CSMD1: variants seen among roughly 807,000 people sequenced by gnomAD.
The protein encoded by CSMD1 is CUB and sushi domain-containing protein 1.
Under a neutral mutation model 417.5 loss-of-function variants are expected in CSMD1, and 213 were observed. The observed-to-expected ratio is 0.51, with a 90% CI of 0.46 to 0.57. CSMD1 has a LOEUF of 0.57. Ranked by LOEUF, CSMD1 falls within the 20% of genes least tolerant of loss-of-function variation. The pLI is 0.00. For missense variants in CSMD1, 6,923 were observed against 4,529.7 expected, an observed-to-expected ratio of 1.53 and a Z score of -15.17; for synonymous variants, 2,862 against 1,736.8, an observed-to-expected ratio of 1.65 and a Z score of -16.11.
intron 23 of CSMD1, among the ~76,000 whole-genome samples, chr8:3,341,733 G>A (rs577773560): frequency 2.0e-5 from 3 of 152,276 alleles, no homozygotes; most frequent in African/African-American, 7.2e-5. Flanking sequence ...CTGGAAGAAC[G>A]CCGTAGGTGT....
intron 3 of CSMD1, among the ~76,000 whole-genome samples, chr8:4,223,735 G>C (rs1252556541): frequency 3.3e-5 from 5 of 152,158 alleles, no homozygotes; most frequent in Admixed American, 2.6e-4. Context: ...AGGAATTTGG[G>C]TCAGATTCTC....
intron 52 of CSMD1, among the ~76,000 whole-genome samples, chr8:3,003,988 G>T (rs1226965222): frequency 6.6e-6 from 1 of 152,160 alleles, no homozygotes; most frequent in East Asian, 1.9e-4. Flanking sequence ...GTAGGTGTCA[G>T]CCCCACTGCG....
chr8:3,991,691 G>C (rs756781630), intron 5 of CSMD1, among the ~76,000 whole-genome samples: 28 of 152,296 alleles, frequency 1.8e-4, no homozygotes, highest in Middle Eastern at 3.4e-3. Context: ...TCTAGGATGA[G>C]AGTGGAGTGC....
chr8:4,912,672 G>T (rs1310789685), intron 1 of CSMD1, among the ~76,000 whole-genome samples: 1 of 152,174 alleles, frequency 6.6e-6, no homozygotes, highest in Non-Finnish European at 1.5e-5. Flanking sequence ...AAAGAGTTTA[G>T]CACTTTCATT....
At chr8:4,914,177 G>A (rs571213250) in intron 1 of CSMD1, among the ~76,000 whole-genome samples, 6 of 152,260 alleles carry the variant, frequency 3.9e-5, no homozygotes, top group Non-Finnish European at 7.4e-5. Context: ...ACAAAAGCAC[G>A]GAGTCATGAG....
intron 5 of CSMD1, among the ~76,000 whole-genome samples, chr8:3,798,007 G>C (rs576680561): frequency 1.9e-4 from 29 of 151,984 alleles, no homozygotes; most frequent in African/African-American, 7.0e-4. Context: ...GAAGATTATT[G>C]ATGTTGATAA....
intron 3 of CSMD1, among the ~76,000 whole-genome samples, chr8:4,150,141 T>C (rs1043215322): frequency 3.9e-5 from 6 of 152,224 alleles, no homozygotes; most frequent in African/African-American, 1.4e-4. Context: ...AGGAATAAAC[T>C]GTGATATCTT....
intron 3 of CSMD1, among the ~76,000 whole-genome samples, chr8:4,360,417 G>A (rs934473318): frequency 1.3e-5 from 2 of 152,118 alleles, no homozygotes; most frequent in Non-Finnish European, 2.9e-5. Context: ...AGTATTTGTG[G>A]AATTAATTAA....
chr8:4,296,135 G>A (rs1349280174), intron 3 of CSMD1, among the ~76,000 whole-genome samples: 1 of 152,046 alleles, frequency 6.6e-6, no homozygotes, highest in African/African-American at 2.4e-5. Context: ...ACAATAAGAA[G>A]CGAAAATGGA....
chr8:4,762,999 T>C (rs181233721), intron 1 of CSMD1, among the ~76,000 whole-genome samples: 6 of 152,248 alleles, frequency 3.9e-5, no homozygotes, highest in Non-Finnish European at 5.9e-5. Flanking sequence ...AAGGAAGCCC[T>C]CTGCAAAGAC....
intron 2 of CSMD1, among the ~76,000 whole-genome samples, chr8:4,503,415 C>A (rs1286884445): frequency 6.6e-6 from 1 of 151,886 alleles, no homozygotes; most frequent in South Asian, 2.1e-4. Flanking sequence ...TAAAATAAGT[C>A]GAGAAAATAC....
At chr8:3,248,884 C>T (rs1311060446) in intron 26 of CSMD1, among the ~76,000 whole-genome samples, 1 of 151,932 alleles carries the variant, frequency 6.6e-6, no homozygotes, top group Non-Finnish European at 1.5e-5. Flanking sequence ...TCCTTGATTC[C>T]CGCAGCTCTA....
chr8:4,884,850 C>A (rs1489172842), intron 1 of CSMD1, among the ~76,000 whole-genome samples: 1 of 151,934 alleles, frequency 6.6e-6, no homozygotes, highest in African/African-American at 2.4e-5. Context: ...ATTTGGGGTT[C>A]TCTTGAATTT....
At chr8:4,221,778 T>C (rs780940293) in intron 3 of CSMD1, among the ~76,000 whole-genome samples, 6 of 152,156 alleles carry the variant, frequency 3.9e-5, no homozygotes, top group East Asian at 1.9e-4. Flanking sequence ...AAAGAAAATA[T>C]ACATTCTGAA....
At chr8:3,887,662 G>C (rs960816664) in intron 5 of CSMD1, among the ~76,000 whole-genome samples, 1 of 152,176 alleles carries the variant, frequency 6.6e-6, no homozygotes, top group African/African-American at 2.4e-5. Context: ...CTAGAGTTAA[G>C]AGACAATACC....
At chr8:4,449,567 A>G (rs1453679651) in intron 2 of CSMD1, among the ~76,000 whole-genome samples, 1 of 152,174 alleles carries the variant, frequency 6.6e-6, no homozygotes, top group South Asian at 2.1e-4. Context: ...GGACTCATCT[A>G]ATTATTTAGC....
At chr8:4,027,086 G>T (rs997312650) in intron 4 of CSMD1, among the ~76,000 whole-genome samples, 2 of 152,158 alleles carry the variant, frequency 1.3e-5, no homozygotes, top group Admixed American at 6.5e-5. Context: ...GGATAGGTCG[G>T]CCACAGAAAA....
intron 1 of CSMD1, among the ~76,000 whole-genome samples, chr8:4,859,556 T>G (rs1414459181): frequency 6.6e-6 from 1 of 151,810 alleles, no homozygotes; most frequent in Non-Finnish European, 1.5e-5. Flanking sequence ...CTCAAACAAA[T>G]TTACAAGAAA....
At chr8:3,325,741 T>A (rs1236695697) in intron 23 of CSMD1, among the ~76,000 whole-genome samples, 2 of 152,246 alleles carry the variant, frequency 1.3e-5, no homozygotes, top group South Asian at 4.1e-4. Context: ...AGGGAATTGC[T>A]TGAACCCGGG....
Sources: allele counts gnomAD v4.1 joint callset (sites outside exome capture counted in the v4.1 genomes callset), GRCh38; gene constraint gnomAD v4.1.1; transcripts MANE v1.5; gene names NCBI Gene and HGNC (gene_info 2026-07-23, HGNC 2026-07-21).